The following GRIK1 variants were observed in gnomAD, a reference collection of about 807,000 sequenced individuals.
GRIK1 encodes the protein glutamate receptor ionotropic, kainate 1.
GRIK1 carries 69 observed loss-of-function variants against 105.7 expected under a neutral mutation model. That is an observed-to-expected ratio of 0.65 (90% CI 0.54 to 0.80). The LOEUF (loss-of-function observed/expected upper bound fraction) is 0.80. GRIK1 is among the 30% of genes least tolerant of loss of function. GRIK1 has a pLI of 0.00. For synonymous variants in GRIK1, 438 were observed against 431.3 expected, an observed-to-expected ratio of 1.02 and a Z score of -0.19; for missense variants, 1,109 against 1,167.3, an observed-to-expected ratio of 0.95 and a Z score of 0.73.
At chr21:29,584,960 A>C (rs2091099019) in intron 12 of GRIK1, among the ~76,000 whole-genome samples, 1 of 152,208 alleles carries the variant, frequency 6.6e-6, no homozygotes, top group Non-Finnish European at 1.5e-5. Flanking sequence ...TAAGGTGTAG[A>C]GAAGGTAAAT....
intron 1 of GRIK1, among the ~76,000 whole-genome samples, chr21:29,910,398 T>A (rs935117533): frequency 1.3e-5 from 2 of 152,118 alleles, no homozygotes; most frequent in African/African-American, 4.8e-5. Context: ...GCAAAAACAG[T>A]CTTTAATTGA....
chr21:29,688,819 G>A (rs979036574), intron 3 of GRIK1, among the ~76,000 whole-genome samples: 4 of 152,090 alleles, frequency 2.6e-5, no homozygotes, highest in Non-Finnish European at 5.9e-5. Context: ...CGTGAAGGTC[G>A]TGCAAAGGAT....
intron 1 of GRIK1, among the ~76,000 whole-genome samples, chr21:29,701,626 A>G (rs928730832): frequency 2.6e-5 from 4 of 152,182 alleles, no homozygotes; most frequent in African/African-American, 7.2e-5. Flanking sequence ...ATGATATGAC[A>G]TATTTCAAGA....
chr21:29,710,686 T>G (rs992701753), intron 1 of GRIK1, among the ~76,000 whole-genome samples: 2 of 152,136 alleles, frequency 1.3e-5, no homozygotes, highest in African/African-American at 4.8e-5. Flanking sequence ...TATATAACAA[T>G]TATCATTGGA....
chr21:29,707,105 C>T (rs1407432220), intron 1 of GRIK1, among the ~76,000 whole-genome samples: 1 of 151,930 alleles, frequency 6.6e-6, no homozygotes, highest in Non-Finnish European at 1.5e-5. Context: ...ACCTCGTGAT[C>T]CGCCCTCCTC....
chr21:29,890,586 C>T lies in GRIK1; in HGVS notation c.118+48797G>A, dbSNP rs188954882. The stretch of plus-strand genomic sequence containing the variant: ...CTTCCATTCTGAAGATATAATAACA[C>T]ATGTTGTATAATACTAGTATAATTA... On this transcript the variant is annotated intron_variant, in intron 1 of 17. Coordinates refer to ENST00000327783, the MANE Select transcript of GRIK1 (RefSeq NM_001330994.2). 7.3e-3 allele frequency among the ~76,000 whole-genome samples: 1,108 copies of T among 152,188 alleles called. 19 individuals are homozygous for T. Among genetic ancestry groups the T allele is most frequent in the African/African-American group, 0.025 (1,048 of 41,544 alleles).
chr21:29,853,653 G>A (rs1274333328), intron 1 of GRIK1, among the ~76,000 whole-genome samples: 2 of 152,200 alleles, frequency 1.3e-5, no homozygotes, highest in African/African-American at 4.8e-5. Context: ...TCATGGGAAT[G>A]TCTGATTTCC....
rs72368755 is a variant in GRIK1, at chr21:29,606,665, AAAAACAAAACAAAAC to A, written c.1099-7743_1099-7729del. On this transcript the variant is annotated intron_variant, in intron 7 of 17. Transcript: ENST00000327783. ...TTTAAGCTCAGAAACATCTTTTTTT[AAAAACAAAACAAAAC>A]AAAACAAAACAAAACAAAAAAAACA... 2.0e-3 allele frequency among the ~76,000 whole-genome samples: 306 copies of A among 149,986 alleles called. 1 individual carries two copies. Among genetic ancestry groups the A allele is most frequent in the African/African-American group, 6.8e-3 (274 of 40,520 alleles).
chr21:29,615,734 C>T (rs1289593198), intron 7 of GRIK1, among the ~76,000 whole-genome samples: 1 of 152,194 alleles, frequency 6.6e-6, no homozygotes, highest in Non-Finnish European at 1.5e-5. Context: ...AAATGATATA[C>T]TTTAATCAGA....
intron 1 of GRIK1, among the ~76,000 whole-genome samples, chr21:29,802,169 G>T (rs112773380): frequency 0.043 from 6,496 of 152,196 alleles, 199 homozygotes; most frequent in Non-Finnish European, 0.066. Context: ...ATTCTCAATT[G>T]TCTCTGAATT....
At chr21:29,857,631 G>T (rs544848808) in intron 1 of GRIK1, among the ~76,000 whole-genome samples, 9 of 134,602 alleles carry the variant, frequency 6.7e-5, no homozygotes, top group African/African-American at 2.5e-4. Context: ...AATTTTCATT[G>T]TTATGAAAAG....
At chr21:29,798,557 C>A (rs1455354837) in intron 1 of GRIK1, among the ~76,000 whole-genome samples, 1 of 152,098 alleles carries the variant, frequency 6.6e-6, no homozygotes, top group Admixed American at 6.6e-5. Context: ...AACATTGTAT[C>A]ACATTAAATT....
At chr21:29,849,272 G>C (rs899723173) in intron 1 of GRIK1, among the ~76,000 whole-genome samples, 2 of 152,238 alleles carry the variant, frequency 1.3e-5, no homozygotes, top group African/African-American at 4.8e-5. Context: ...ACATTCATGA[G>C]ATTAATAAAT....
intron 1 of GRIK1, among the ~76,000 whole-genome samples, chr21:29,828,541 A>T (rs1334331368): frequency 6.6e-6 from 1 of 152,058 alleles, no homozygotes; most frequent in African/African-American, 2.4e-5. Flanking sequence ...TCACTCTGTC[A>T]CTCAGGCTAG....
chr21:29,865,422 C>A (rs2068771229), intron 1 of GRIK1, among the ~76,000 whole-genome samples: 1 of 152,190 alleles, frequency 6.6e-6, no homozygotes, highest in African/African-American at 2.4e-5. Context: ...CACTTTTATA[C>A]CATTTACTAG....
At chr21:29,764,172 G>A (rs903293144) in intron 1 of GRIK1, among the ~76,000 whole-genome samples, 4 of 152,142 alleles carry the variant, frequency 2.6e-5, no homozygotes, top group African/African-American at 9.7e-5. Flanking sequence ...CCTGGAAACT[G>A]GAAGAACAAG....
In GRIK1 at chr21:29,874,235, G is replaced by A. The variant is rs1210565381; in HGVS notation, c.118+65148C>T. 2.6e-5 allele frequency among the ~76,000 whole-genome samples: 4 copies of A among 152,108 alleles called. No individual in the cohort carries two copies. In the East Asian group the frequency reaches 7.7e-4, roughly 29 times the overall value. ...GTAAACGGGAAAGCCATTGGAAGTG[G>A]CCATGTTAAATGTTACCCGAGCCCT... On this transcript the variant is annotated intron_variant, in intron 1 of 17. Coordinates refer to ENST00000327783, the MANE Select transcript of GRIK1 (RefSeq NM_001330994.2).
At chr21:29,564,331 TAG>T (rs2090560660) in intron 14 of GRIK1, among the ~76,000 whole-genome samples, 1 of 152,042 alleles carries the variant, frequency 6.6e-6, no homozygotes, top group Admixed American at 6.5e-5. Flanking sequence ...GTATTTTTAG[TAG>T]AGACGGGGTT....
In GRIK1 at chr21:29,794,231, T is replaced by G. The variant is rs141281268; in HGVS notation, c.119-100168A>C. Among the ~76,000 whole-genome samples, 804 of 152,276 alleles carry G rather than the reference T, an allele frequency of 5.3e-3. 9 individuals carry two copies. Among genetic ancestry groups the G allele is most frequent in the African/African-American group, 0.019 (772 of 41,540 alleles). On this transcript the variant is annotated intron_variant, in intron 1 of 17. Transcript: ENST00000327783. ...ATGAAATGACCACATATGAAAGCAA[T>G]TTCTTTAAAAACAGCCTGTAATTCC...
Sources: gnomAD v4.1 joint callset for allele counts (sites outside exome capture counted in the v4.1 genomes callset) on GRCh38, gnomAD v4.1.1 for gene constraint, MANE v1.5 for transcripts, NCBI Gene and HGNC (gene_info 2026-07-23, HGNC 2026-07-21) for gene names.